Variants in ADCY3 observed in about 807,000 individuals in gnomAD.
ADCY3 encodes the protein adenylate cyclase type 3.
ADCY3 carries 70 observed loss-of-function variants against 119.4 expected under a neutral mutation model. The observed-to-expected ratio is 0.59, with a 90% CI of 0.48 to 0.72. ADCY3 has a LOEUF of 0.72. ADCY3 is among the 30% of genes least tolerant of loss of function. The pLI is 0.00. For missense variants in ADCY3, 1,238 were observed against 1,541.6 expected (o/e 0.80, Z 3.30); for synonymous variants, 672 against 621.4 (o/e 1.08, Z -1.21).
rs530420675 is a variant in ADCY3, at chr2:24,894,621, G to A, written c.676-21902C>T. Reference sequence around the variant, plus strand: ...TCCAAAGTACCTTGTTTATATTTTTGCTTTAAGCAGTTTCTCAAAGAGATT... The same window carrying A: ...TCCAAAGTACCTTGTTTATATTTTTACTTTAAGCAGTTTCTCAAAGAGATT... On this transcript the variant is annotated intron_variant, in intron 2 of 21. Transcript: ENST00000679454. Among the ~76,000 whole-genome samples, 21 of 151,586 alleles carry A rather than the reference G, an allele frequency of 1.4e-4. No individual in the cohort carries two copies. The South Asian group carries it at 4.4e-3, about 32-fold the overall frequency.
intron 20 of ADCY3, 109 bp from the exon 21 acceptor site, chr2:24,820,957 T>A: frequency 6.9e-7 from 1 of 1,440,890 alleles, no homozygotes; most frequent in South Asian, 1.3e-5. Context: ...ATGTAACACA[T>A]CATTGTCCTC....
chr2:24,828,572 C>T (rs139588468), intron 13 of ADCY3, among the ~76,000 whole-genome samples: 102 of 152,294 alleles, frequency 6.7e-4, no homozygotes, highest in Non-Finnish European at 9.1e-4. Flanking sequence ...ACAGCCTCCC[C>T]GTGATGACAG....
chr2:24,855,188 G>C (rs1672848598), intron 3 of ADCY3, among the ~76,000 whole-genome samples: 1 of 134,460 alleles, frequency 7.4e-6, no homozygotes, highest in East Asian at 2.2e-4. Context: ...CTTAGCCCCA[G>C]GTCCCCCCCA....
intron 19 of ADCY3, chr2:24,821,989 G>T (rs1051158743): frequency 1.6e-5 from 4 of 257,952 alleles, no homozygotes; most frequent in Non-Finnish European, 3.0e-5. Flanking sequence ...ACTGGAGGGG[G>T]ATGACCCGCC....
rs182884630 is a variant in ADCY3, at chr2:24,879,299, C to T, written c.676-6580G>A. 4.0e-5 allele frequency among the ~76,000 whole-genome samples: 6 copies of T among 151,848 alleles called. No homozygotes were observed. In the East Asian group the frequency reaches 5.8e-4, roughly 15 times the overall value. ...CATCCTGGCTAACATGGTGAAATCC[C>T]GTCTCTACTAAAAAAAAATGCAAAA... On this transcript the variant is annotated intron_variant, in intron 2 of 21. Coordinates refer to ENST00000679454, the MANE Select transcript of ADCY3 (RefSeq NM_004036.5).
intron 2 of ADCY3, among the ~76,000 whole-genome samples, chr2:24,906,132 C>T (rs1679418203): frequency 6.6e-6 from 1 of 152,084 alleles, no homozygotes; most frequent in South Asian, 2.1e-4. Context: ...CATGGTGAAA[C>T]CCCGTCTCTA....
chr2:24,918,919 G>T lies in ADCY3; in HGVS notation c.69C>A (p.Ser23Arg). ...SAEYSAEYSV[S>R]LPSDPDRGVG... ...CCCCGCGGTCAGGGTCGGAGGGCAG[G>T]CTGACGGAGTACTCGGCTGAGTACT... The change falls in exon 2 of 22, where the codon AGC becomes AGA. Residue 23 changes from serine (S) to arginine (R), a missense_variant. Physicochemically the swap from Ser to Arg is moderately radical, Grantham distance 110. Transcript: ENST00000679454. The surrounding 1 kb of genome is among the most constrained non-coding windows in gnomAD (Gnocchi z 5.4). 2 of 1,612,464 alleles carry T rather than the reference G, an allele frequency of 1.2e-6. No individual in the cohort carries two copies. The highest frequency in any genetic ancestry group is 4.5e-5 in the East Asian group (2 of 44,874).
intron 2 of ADCY3, among the ~76,000 whole-genome samples, chr2:24,902,072 G>GTA (rs1678973514): frequency 8.2e-6 from 1 of 122,064 alleles, no homozygotes; most frequent in Non-Finnish European, 1.7e-5. Flanking sequence ...GTGTGTGTGT[G>GTA]TGTATTTGGT....
rs1356915899 is a variant in ADCY3 at position 24,826,375 on chromosome 2, C to G, written c.2496-249G>C. The G allele has an allele frequency of 6.4e-6, 3 of 465,222 alleles. No individual in the cohort carries two copies. In the East Asian group the frequency reaches 1.1e-4, roughly 18 times the overall value. 28.8% of individuals were successfully genotyped at this position (465,222 alleles called of 1,614,324 possible). A position where few individuals can be genotyped will look rare whatever the true frequency, so the allele number is the denominator to read the frequency against. ...GCACCTGGTATTCACATCAGGGCTG[C>G]TCCCCAGGTATTTAAGAAACACTGC... On this transcript the variant is annotated intron_variant, in intron 15 of 21. Transcript: ENST00000679454.
In ADCY3 at chr2:24,857,314, G is replaced by A. The variant is rs567646545; in HGVS notation, c.826-14930C>T. On this transcript the variant is annotated intron_variant, in intron 3 of 21. Transcript: ENST00000679454. ...GTGTGGTACCTGGAGCCCTCACCACGAATTATTTGGCAAAGAGCAGGTACT... is the reference window on the plus strand; with the variant it reads ...GTGTGGTACCTGGAGCCCTCACCACAAATTATTTGGCAAAGAGCAGGTACT... 1.4e-4 allele frequency among the ~76,000 whole-genome samples: 22 copies of A among 152,320 alleles called. No homozygotes were observed. In the South Asian group the frequency reaches 4.3e-3, roughly 30 times the overall value.
intron 20 of ADCY3, chr2:24,821,080 G>T (rs1212145639): frequency 5.3e-6 from 3 of 570,382 alleles, no homozygotes; most frequent in Non-Finnish European, 9.0e-6. Flanking sequence ...ACTCGGCATG[G>T]TAGTGGCCAG....
At chr2:24,851,878 G>T (rs761065544) in intron 3 of ADCY3, among the ~76,000 whole-genome samples, 1 of 152,068 alleles carries the variant, frequency 6.6e-6, no homozygotes, top group Non-Finnish European at 1.5e-5. Context: ...CTATTGTCTC[G>T]CGCGTTGTTC....
rs1670588909 is a variant in ADCY3 at position 24,838,517 on chromosome 2, A to G, written c.1461T>C (p.Ile487=). The change falls in exon 8 of 22, where the codon ATT becomes ATC. Residue 487 remains isoleucine (I), a synonymous_variant. Coordinates refer to ENST00000679454, the MANE Select transcript of ADCY3 (RefSeq NM_004036.5). The part of the protein sequence containing the change: ...SRCDYLEEKG[I]ETYLIIASKP... ...TGGAGGCAATGATGAGGTAGGTTTC[A>G]ATACCCTTCTCTTCTAGGTAATCAC... The G allele has an allele frequency of 6.2e-7, 1 of 1,613,912 alleles. No individual in the cohort carries two copies.
Position 24,834,709 on chromosome 2 carries a change from C to T in ADCY3, c.1806-63G>A. 1 of 1,602,910 alleles carries T rather than the reference C, an allele frequency of 6.2e-7. No homozygotes were observed. The highest frequency in any genetic ancestry group is 2.2e-5 in the East Asian group (1 of 44,606). The stretch of plus-strand genomic sequence containing the variant: ...CATCTGCCTTGGCCTAGCAGGGGGG[C>T]CGTATTTGGGATGCTCAGTTTCCTG... On this transcript the variant is annotated intron_variant, in intron 10 of 21. Transcript: ENST00000679454. This position sits in a 1 kb window ranked among gnomAD's most constrained non-coding sequence, Gnocchi z 4.2.
rs1256535927 is a variant in ADCY3, at chr2:24,824,554, G to A, written c.2578-18C>T. 2 of 1,613,426 alleles carry A rather than the reference G, an allele frequency of 1.2e-6. No individual in the cohort carries two copies. The highest frequency in any genetic ancestry group is 1.7e-6 in the Non-Finnish European group (2 of 1,179,452). Reference sequence around the variant, plus strand: ...TTTTCTACCTACAGACACAGACAAGGCGAGGCATGTGCTCTAAGCTGGCCA... The same window carrying A: ...TTTTCTACCTACAGACACAGACAAGACGAGGCATGTGCTCTAAGCTGGCCA... On this transcript the variant is annotated intron_variant, in intron 16 of 21. Coordinates refer to ENST00000679454, the MANE Select transcript of ADCY3 (RefSeq NM_004036.5).
chr2:24,886,710 C>G (rs1677069365), intron 2 of ADCY3, among the ~76,000 whole-genome samples: 4 of 152,252 alleles, frequency 2.6e-5, no homozygotes, highest in Admixed American at 2.6e-4. Context: ...GCTCTACTCT[C>G]CTTAGAAACT....
At chr2:24,836,283 T>C (rs978899943) in intron 9 of ADCY3, among the ~76,000 whole-genome samples, 1 of 152,212 alleles carries the variant, frequency 6.6e-6, no homozygotes, top group Non-Finnish European at 1.5e-5. Context: ...CTGAGCCCCA[T>C]CTACCCTCTT....
intron 2 of ADCY3, among the ~76,000 whole-genome samples, chr2:24,887,790 G>A (rs1169982601): frequency 4.6e-5 from 7 of 152,154 alleles, no homozygotes; most frequent in East Asian, 1.9e-4. Context: ...CCTCCCCTGC[G>A]AAATGCAAAT....
chr2:24,918,681 C>T lies in ADCY3; in HGVS notation c.307G>A (p.Asp103Asn), dbSNP rs757604867. 19 of 1,613,954 alleles carry T rather than the reference C, an allele frequency of 1.2e-5. No individual in the cohort carries two copies. In the South Asian group the frequency reaches 1.9e-4, roughly 16 times the overall value. ...VVMCAVVFSS[D>N]KLASLAVAGI... ...GCCACGGCGAGGGAAGCCAGCTTGT[C>T]GCTGGAGAAGACCACAGCACACATG... The change falls in exon 2 of 22, where the codon GAC becomes AAC. Residue 103 changes from aspartate to asparagine, a missense_variant. Physicochemically the swap from Asp to Asn is conservative, Grantham distance 23. Transcript: ENST00000679454. The surrounding 1 kb of genome is among the most constrained non-coding windows in gnomAD (Gnocchi z 5.4).
Sources: allele counts gnomAD v4.1 joint callset (sites outside exome capture counted in the v4.1 genomes callset), GRCh38; gene constraint gnomAD v4.1.1; non-coding constraint Gnocchi (gnomAD v3.1); transcripts MANE v1.5; gene names NCBI Gene and HGNC (gene_info 2026-07-23, HGNC 2026-07-21).